Variants in ZNF460 observed in about 807,000 individuals in gnomAD.
ZNF460 encodes the protein zinc finger protein 460, also known as zinc finger protein 272.
In ZNF460, 1 loss-of-function variant was observed where a neutral mutation model predicts 8.4. That is an observed-to-expected ratio of 0.12 (90% CI 0.04 to 0.56). The LOEUF is 0.56. Ranked by LOEUF, ZNF460 falls within the 20% of genes least tolerant of loss-of-function variation. The probability of loss-of-function intolerance (pLI) is 0.91; values close to 1 mark genes in which losing one functional copy is unlikely to be tolerated. For synonymous variants in ZNF460, 262 were observed against 259.9 expected (o/e 1.01, Z -0.08); for missense variants, 477 against 714.8 (o/e 0.67, Z 3.79).
chr19:57,285,789 C>T (rs546894531), intron 2 of ZNF460, among the ~76,000 whole-genome samples: 33 of 152,300 alleles, frequency 2.2e-4, no homozygotes, highest in South Asian at 2.1e-3. Flanking sequence ...CTGCCCTGTT[C>T]CCTTAGGATT....
At chr19:57,283,219 G>T (rs1037097264) in intron 1 of ZNF460, among the ~76,000 whole-genome samples, 2 of 151,684 alleles carry the variant, frequency 1.3e-5, no homozygotes, top group African/African-American at 2.4e-5. Flanking sequence ...TGCCAGGCTG[G>T]AGTTCAGTGG....
chr19:57,292,375 T>C lies in ZNF460; in HGVS notation c.*145T>C. The stretch of plus-strand genomic sequence containing the variant: ...CTGGTCATTCATACTGAAGAGAAAC[T>C]CCATAAGTATCATCTCTGTGGGAAA... On this transcript the variant is annotated 3_prime_UTR_variant, in exon 3 of 3. Coordinates refer to ENST00000360338, the MANE Select transcript of ZNF460 (RefSeq NM_006635.4). 4 of 813,168 alleles carry C rather than the reference T, an allele frequency of 4.9e-6. No individual in the cohort carries two copies. Among genetic ancestry groups the C allele is most frequent in the Non-Finnish European group, 7.8e-6 (4 of 514,868 alleles). The allele number at this position is 813,168 out of a possible 1,614,324, so 50.4% of individuals were successfully genotyped here. A position where few individuals can be genotyped will look rare whatever the true frequency, so the allele number is the denominator to read the frequency against.
At chr19:57,284,735 G>C in intron 2 of ZNF460, 58 bp downstream of exon 2, 2 of 1,504,448 alleles carry the variant, frequency 1.3e-6, no homozygotes, top group Non-Finnish European at 1.8e-6. Context: ...CTTCATTCTA[G>C]CCTTCATCCT....
chr19:57,285,951 C>G (rs2087876708), intron 2 of ZNF460, among the ~76,000 whole-genome samples: 1 of 152,132 alleles, frequency 6.6e-6, no homozygotes, highest in African/African-American at 2.4e-5. Context: ...TACTTTTTGT[C>G]AGCTGTGTGT....
In ZNF460 at chr19:57,281,108, G is replaced by A. The variant is rs147668639; in HGVS notation, c.30+272G>A. 3.4e-3 allele frequency among the ~76,000 whole-genome samples: 523 copies of A among 152,150 alleles called. 3 individuals are homozygous for A. The highest frequency in any genetic ancestry group is 0.012 in the African/African-American group (496 of 41,506). ...AACCTTCTCTGTTGCCTGCCAGCCC[G>A]TACCCCATCCACCTGGCCAACCACC... On this transcript the variant is annotated intron_variant, in intron 1 of 2. Coordinates refer to ENST00000360338, the MANE Select transcript of ZNF460 (RefSeq NM_006635.4).
At chr19:57,285,587 C>A (rs2087873784) in intron 2 of ZNF460, among the ~76,000 whole-genome samples, 1 of 152,164 alleles carries the variant, frequency 6.6e-6, no homozygotes. Context: ...GATAAACCTT[C>A]ATTGTGAGAT....
chr19:57,292,992 C>A lies in ZNF460; in HGVS notation c.*762C>A, dbSNP rs1249932579. ...TGACTTTTTTAAAAAAATTGTTTCT[C>A]CGTGTGTCTTTAACCACCCAGTACC... On this transcript the variant is annotated 3_prime_UTR_variant, in exon 3 of 3. Coordinates refer to ENST00000360338, the MANE Select transcript of ZNF460 (RefSeq NM_006635.4). 6.6e-6 allele frequency: 1 copy of A among 152,196 alleles called. No homozygotes were observed. Among genetic ancestry groups the A allele is most frequent in the African/African-American group, 2.4e-5 (1 of 41,448 alleles). 9.4% of individuals were successfully genotyped at this position (152,196 alleles called of 1,614,324 possible). A position where few individuals can be genotyped will look rare whatever the true frequency, so the allele number is the denominator to read the frequency against.
intron 1 of ZNF460, among the ~76,000 whole-genome samples, chr19:57,283,325 A>G (rs1458419748): frequency 6.6e-6 from 1 of 151,070 alleles, no homozygotes; most frequent in African/African-American, 2.4e-5. Flanking sequence ...ACACACTACC[A>G]CACCCAGCTA....
At chr19:57,287,652 A>C (rs925178466) in intron 2 of ZNF460, among the ~76,000 whole-genome samples, 1 of 152,198 alleles carries the variant, frequency 6.6e-6, no homozygotes, top group African/African-American at 2.4e-5. Context: ...ACTGCCCAGC[A>C]GTTCTGCAGA....
At chr19:57,286,244 G>A (rs12610862) in intron 2 of ZNF460, among the ~76,000 whole-genome samples, 31,182 of 151,940 alleles carry the variant, frequency 0.21, 3,863 homozygotes, top group African/African-American at 0.34. Context: ...TCTGTGTCAC[G>A]TTTTGGTAAT....
intron 1 of ZNF460, among the ~76,000 whole-genome samples, 178 bp from the exon 2 acceptor site, chr19:57,284,373 A>G (rs2087864312): frequency 6.6e-6 from 1 of 151,914 alleles, no homozygotes; most frequent in African/African-American, 2.4e-5. Context: ...CACTGCTGTA[A>G]TCCATGCAAG....
Position 57,290,835 on chromosome 19 carries a change from G to A in ZNF460, c.294G>A (p.Gly98=). 2 of 1,614,150 alleles carry A rather than the reference G, an allele frequency of 1.2e-6. No homozygotes were observed. Among genetic ancestry groups the A allele is most frequent in the Non-Finnish European group, 1.7e-6 (2 of 1,180,038 alleles). ...SYLGQAMDQD[G]PSEMQEYFLR... Reference sequence around the variant, plus strand: ...TGGGGCAGGCCATGGATCAAGATGGGCCATCTGAAATGCAGGAATACTTTT... The same window carrying A: ...TGGGGCAGGCCATGGATCAAGATGGACCATCTGAAATGCAGGAATACTTTT... The change falls in exon 3 of 3, where the codon GGG becomes GGA. Residue 98 remains glycine, a synonymous_variant. Transcript: ENST00000360338.
chr19:57,283,967 C>G (rs544759455), intron 1 of ZNF460, among the ~76,000 whole-genome samples: 2 of 152,182 alleles, frequency 1.3e-5, no homozygotes, highest in Admixed American at 1.3e-4. Flanking sequence ...GTTTCAGTCA[C>G]TTTACCATGG....
chr19:57,280,715 G>C lies in ZNF460; in HGVS notation c.-92G>C, dbSNP rs1427019189. 3.8e-6 allele frequency: 6 copies of C among 1,560,864 alleles called. No homozygotes were observed. The highest frequency in any genetic ancestry group is 3.5e-6 in the Non-Finnish European group (4 of 1,147,964). On this transcript the variant is annotated 5_prime_UTR_variant, in exon 1 of 3. Transcript: ENST00000360338. ...GGCCTTGTGCGCATTTTTTTCGGGGGAAAACTGAGGCTCGGAGTGCGAAAG... is the reference window on the plus strand; with the variant it reads ...GGCCTTGTGCGCATTTTTTTCGGGGCAAAACTGAGGCTCGGAGTGCGAAAG...
chr19:57,288,999 C>T (rs544938270), intron 2 of ZNF460, among the ~76,000 whole-genome samples: 83 of 147,748 alleles, frequency 5.6e-4, no homozygotes, highest in Admixed American at 1.4e-3. Flanking sequence ...CAGTACCTTT[C>T]AGATTGTGTC....
intron 1 of ZNF460, among the ~76,000 whole-genome samples, chr19:57,282,604 A>G (rs1194350499): frequency 6.6e-6 from 1 of 152,226 alleles, no homozygotes; most frequent in Non-Finnish European, 1.5e-5. Flanking sequence ...CTTCATTCTC[A>G]TTAACTGCAT....
intron 2 of ZNF460, among the ~76,000 whole-genome samples, chr19:57,286,041 A>G (rs2087877125): frequency 1.3e-5 from 2 of 152,314 alleles, no homozygotes; most frequent in Admixed American, 1.3e-4. Flanking sequence ...ATGCCAGTGC[A>G]GAAAAGTGCC....
At position 57,292,438 on chromosome 19, in the gene ZNF460, T is replaced by C; in HGVS notation, c.*208T>C. The C allele has an allele frequency of 1.8e-6, 1 of 566,852 alleles. No individual in the cohort carries two copies. Among genetic ancestry groups the C allele is most frequent in the Non-Finnish European group, 3.1e-6 (1 of 323,784 alleles). The allele number at this position is 566,852 out of a possible 1,614,324, so 35.1% of individuals were successfully genotyped here. A position where few individuals can be genotyped will look rare whatever the true frequency, so the allele number is the denominator to read the frequency against. On this transcript the variant is annotated 3_prime_UTR_variant, in exon 3 of 3. Coordinates refer to ENST00000360338, the MANE Select transcript of ZNF460 (RefSeq NM_006635.4). ...TCATCATTTGTCATCTAAACAATTA[T>C]GTTAGAAATTGACACAGCCAAGAGT...
At chr19:57,289,598 A>G (rs1448809665) in intron 2 of ZNF460, among the ~76,000 whole-genome samples, 1 of 152,084 alleles carries the variant, frequency 6.6e-6, no homozygotes, top group Non-Finnish European at 1.5e-5. Context: ...CTTATGATAG[A>G]GTGTCATCAT....
Sources: gnomAD v4.1 joint callset for allele counts (sites outside exome capture counted in the v4.1 genomes callset) on GRCh38, gnomAD v4.1.1 for gene constraint, MANE v1.5 for transcripts, NCBI Gene and HGNC (gene_info 2026-07-23, HGNC 2026-07-21) for gene names.